The following STK32B variants were observed in gnomAD, a reference collection of about 807,000 sequenced individuals.
STK32B encodes serine/threonine-protein kinase 32B.
In STK32B, 43 loss-of-function variants were observed where a neutral mutation model predicts 52.6. The ratio of observed to expected loss-of-function variants is 0.82; its 90% CI spans 0.64 to 1.05. The LOEUF (loss-of-function observed/expected upper bound fraction) is 1.05. Among genes scored for constraint, STK32B ranks in the 50% least tolerant of loss-of-function variants. The pLI is 0.00. For missense variants in STK32B, 621 were observed against 534.6 expected, an observed-to-expected ratio of 1.16 and a Z score of -1.59; for synonymous variants, 238 against 204.3, an observed-to-expected ratio of 1.17 and a Z score of -1.41.
Position 5,472,465 on chromosome 4 carries a change from C to T in STK32B, c.1106+4395C>T, listed in dbSNP as rs147225264. Reference sequence around the variant, plus strand: ...CTGAGCCAGGTGGAGCATCTGCTTCCAGGGCTGGTCAGGGCTTTGAAGGCC... The same window carrying T: ...CTGAGCCAGGTGGAGCATCTGCTTCTAGGGCTGGTCAGGGCTTTGAAGGCC... On this transcript the variant is annotated intron_variant, in intron 11 of 11. Coordinates refer to ENST00000282908, the MANE Select transcript of STK32B (RefSeq NM_018401.3). 5.1e-3 allele frequency among the ~76,000 whole-genome samples: 775 copies of T among 152,334 alleles called. 8 individuals are homozygous for T. The highest frequency in any genetic ancestry group is 0.018 in the African/African-American group (742 of 41,576).
intron 3 of STK32B, among the ~76,000 whole-genome samples, chr4:5,184,052 A>C (rs1225380144): frequency 6.6e-6 from 1 of 152,174 alleles, no homozygotes. Flanking sequence ...TAGCACTTTT[A>C]AGTTCCTTCA....
intron 4 of STK32B, among the ~76,000 whole-genome samples, chr4:5,372,725 G>T (rs551650419): frequency 2.2e-4 from 33 of 150,632 alleles, no homozygotes; most frequent in East Asian, 6.0e-4. Context: ...AAAGTTGGGG[G>T]GGGGGGCGGT....
intron 2 of STK32B, among the ~76,000 whole-genome samples, chr4:5,148,492 C>A (rs1717096263): frequency 6.6e-6 from 1 of 151,578 alleles, no homozygotes; most frequent in Non-Finnish European, 1.5e-5. Context: ...TTCTTTGACC[C>A]ATGAATTATT....
At chr4:5,206,878 T>C (rs2108781478) in intron 3 of STK32B, among the ~76,000 whole-genome samples, 1 of 152,300 alleles carries the variant, frequency 6.6e-6, no homozygotes, top group East Asian at 1.9e-4. Context: ...CAAATCATTA[T>C]TTTCTCTTTA....
chr4:5,437,903 A>G (rs4689237), intron 6 of STK32B: 79,101 of 984,438 alleles, frequency 0.08, 3,945 homozygotes, highest in East Asian at 0.39. Flanking sequence ...GGATTATGAT[A>G]TCAATATTGT....
At chr4:5,197,724 G>A (rs904966079) in intron 3 of STK32B, among the ~76,000 whole-genome samples, 4 of 152,122 alleles carry the variant, frequency 2.6e-5, no homozygotes, top group Admixed American at 2.6e-4. Flanking sequence ...ATAATCTTTG[G>A]ATGCTATCCT....
chr4:5,184,936 G>C (rs984990697), intron 3 of STK32B, among the ~76,000 whole-genome samples: 1 of 152,210 alleles, frequency 6.6e-6, no homozygotes, highest in Non-Finnish European at 1.5e-5. Flanking sequence ...AATGAGGCGT[G>C]CCTGTGTTAG....
intron 2 of STK32B, among the ~76,000 whole-genome samples, chr4:5,159,601 A>G (rs1443295050): frequency 4.4e-5 from 4 of 90,872 alleles, no homozygotes; most frequent in African/African-American, 2.2e-4. Flanking sequence ...ATATATGAAT[A>G]TATATATGAA....
chr4:5,218,562 C>T (rs1369662368), intron 3 of STK32B, among the ~76,000 whole-genome samples: 12 of 152,180 alleles, frequency 7.9e-5, no homozygotes, highest in Admixed American at 7.9e-4. Context: ...ACCCTACCGT[C>T]AAACTGCGTG....
intron 3 of STK32B, among the ~76,000 whole-genome samples, chr4:5,208,448 T>C (rs532395520): frequency 6.6e-6 from 1 of 152,344 alleles, no homozygotes; most frequent in East Asian, 1.9e-4. Flanking sequence ...TCTTACTGCA[T>C]ATACAACACT....
At chr4:5,471,268 G>A (rs1717833692) in intron 11 of STK32B, among the ~76,000 whole-genome samples, 1 of 152,170 alleles carries the variant, frequency 6.6e-6, no homozygotes, top group Non-Finnish European at 1.5e-5. Context: ...GAAATAGGGT[G>A]GGTGCAGATG....
chr4:5,315,379 T>A (rs1199066702), intron 3 of STK32B, among the ~76,000 whole-genome samples: 1 of 152,130 alleles, frequency 6.6e-6, no homozygotes, highest in Admixed American at 6.6e-5. Context: ...CAAGAATTAC[T>A]TTAAGAGGGA....
intron 3 of STK32B, chr4:5,203,965 C>T (rs1560222862): frequency 1.3e-5 from 2 of 152,216 alleles, no homozygotes; most frequent in Non-Finnish European, 1.5e-5. Context: ...GGTACGAAGT[C>T]ATAATGCATT....
intron 11 of STK32B, among the ~76,000 whole-genome samples, chr4:5,496,989 GAA>G (rs1201192298): frequency 6.6e-6 from 1 of 152,164 alleles, no homozygotes; most frequent in Non-Finnish European, 1.5e-5. Context: ...GCTCTGGAGA[GAA>G]AAGAGTTTCA....
At chr4:5,439,946 G>C (rs754095813) in intron 6 of STK32B, among the ~76,000 whole-genome samples, 120 of 152,230 alleles carry the variant, frequency 7.9e-4, no homozygotes, top group Non-Finnish European at 1.4e-3. Context: ...GGGCTCTGTT[G>C]TGTTCCATTG....
intron 3 of STK32B, among the ~76,000 whole-genome samples, chr4:5,203,765 C>T (rs1273308982): frequency 4.6e-5 from 7 of 152,144 alleles, no homozygotes; most frequent in African/African-American, 1.2e-4. Flanking sequence ...CCTTTGCTTC[C>T]GTGTGCTCAC....
chr4:5,367,437 T>G (rs1050146021), intron 4 of STK32B, among the ~76,000 whole-genome samples: 1 of 152,134 alleles, frequency 6.6e-6, no homozygotes, highest in Non-Finnish European at 1.5e-5. Context: ...CAACACTCTT[T>G]CGAGACTGCA....
intron 2 of STK32B, among the ~76,000 whole-genome samples, chr4:5,166,970 C>G (rs1577131299): frequency 6.6e-6 from 1 of 152,262 alleles, no homozygotes; most frequent in African/African-American, 2.4e-5. Context: ...GGAAGACTAG[C>G]TCATACAATC....
At chr4:5,079,478 G>A (rs1712277106) in intron 1 of STK32B, among the ~76,000 whole-genome samples, 1 of 152,096 alleles carries the variant, frequency 6.6e-6, no homozygotes, top group Admixed American at 6.5e-5. Flanking sequence ...CATTAAGAAG[G>A]CAAAATTTCA....
Sources: gnomAD v4.1 joint callset for allele counts (sites outside exome capture counted in the v4.1 genomes callset) on GRCh38, gnomAD v4.1.1 for gene constraint, MANE v1.5 for transcripts, NCBI Gene and HGNC (gene_info 2026-07-23, HGNC 2026-07-21) for gene names.